Variants in ZFHX3 observed in about 807,000 individuals in gnomAD.
The protein encoded by ZFHX3 is zinc finger homeobox 3.
Under a neutral mutation model 279.1 loss-of-function variants are expected in ZFHX3, and 42 were observed. The ratio of observed to expected loss-of-function variants is 0.15; its 90% CI spans 0.12 to 0.19. The LOEUF (loss-of-function observed/expected upper bound fraction) is 0.19. Ranked by LOEUF, ZFHX3 falls within the 10% of genes least tolerant of loss-of-function variation. The pLI is 1.00. For missense variants in ZFHX3, 4,981 were observed against 4,754.0 expected (o/e 1.05, Z -1.40); for synonymous variants, 2,293 against 1,957.8 (o/e 1.17, Z -4.52).
intron 8 of ZFHX3, among the ~76,000 whole-genome samples, chr16:73,066,398 G>T (rs1254449664): frequency 6.6e-6 from 1 of 152,144 alleles, no homozygotes; most frequent in Non-Finnish European, 1.5e-5. Context: ...CGTCCCTAAT[G>T]CCCGGCACAC....
intron 1 of ZFHX3, among the ~76,000 whole-genome samples, chr16:73,704,404 A>T (rs2053284046): frequency 6.6e-6 from 1 of 152,206 alleles, no homozygotes. Flanking sequence ...AAAATGCAAG[A>T]TTAAAAAATA....
chr16:72,979,864 A>G lies in ZFHX3; in HGVS notation c.-49-19670T>C, dbSNP rs137939162. ...GTCAAATTTGGCTCTAAGCTTTCTA[A>G]AAGTCAAGAGGATAAAGGCATGCTA... On this transcript the variant is annotated intron_variant, in intron 1 of 9. Coordinates refer to ENST00000268489, the MANE Select transcript of ZFHX3 (RefSeq NM_006885.4). Among the ~76,000 whole-genome samples the G allele has an allele frequency of 5.3e-5, 8 of 152,346 alleles. No homozygotes were observed. The East Asian group carries it at 1.5e-3, about 29-fold the overall frequency.
chr16:73,524,493 C>T (rs905604168), intron 2 of ZFHX3, among the ~76,000 whole-genome samples: 4 of 152,150 alleles, frequency 2.6e-5, no homozygotes, highest in African/African-American at 4.8e-5. Context: ...GCCCTTCTGT[C>T]CCTACCACTT....
chr16:73,760,571 C>A (rs2053853500), intron 1 of ZFHX3, among the ~76,000 whole-genome samples: 1 of 152,040 alleles, frequency 6.6e-6, no homozygotes, highest in Admixed American at 6.6e-5. Flanking sequence ...TGTAAAAATC[C>A]TCAACAAAAT....
At chr16:73,703,154 T>C (rs76814503) in intron 1 of ZFHX3, among the ~76,000 whole-genome samples, 8,245 of 152,208 alleles carry the variant, frequency 0.054, 222 homozygotes, top group African/African-American at 0.056. Flanking sequence ...CAGAGGCTGC[T>C]TTCCTGCCTC....
At chr16:73,487,792 C>T (rs1233708141) in intron 2 of ZFHX3, 3 of 158,054 alleles carry the variant, frequency 1.9e-5, no homozygotes, top group East Asian at 1.9e-4. Flanking sequence ...AAATGTGATG[C>T]AAGCAGAAGT....
chr16:73,098,686 A>C (rs1031207611), intron 7 of ZFHX3: 1 of 147,708 alleles, frequency 6.8e-6, no homozygotes, highest in African/African-American at 2.5e-5. Flanking sequence ...TGACCATCAC[A>C]TTTTTTTTTT....
intron 4 of ZFHX3, among the ~76,000 whole-genome samples, chr16:72,840,872 A>C (rs868247719): frequency 5.3e-5 from 8 of 152,356 alleles, no homozygotes; most frequent in South Asian, 2.1e-4. Flanking sequence ...AAGCACAAAC[A>C]AAAGGCTTAC....
intron 1 of ZFHX3, among the ~76,000 whole-genome samples, chr16:73,721,823 T>C (rs2053476461): frequency 6.6e-6 from 1 of 152,154 alleles, no homozygotes; most frequent in African/African-American, 2.4e-5. Flanking sequence ...GACAGGCAGA[T>C]TGCTTGAGCC....
At chr16:72,891,866 G>A (rs1013921086) in intron 3 of ZFHX3, among the ~76,000 whole-genome samples, 32 of 152,170 alleles carry the variant, frequency 2.1e-4, no homozygotes, top group African/African-American at 6.8e-4. Flanking sequence ...AACTGCCCAC[G>A]TTGCTTGTCT....
intron 4 of ZFHX3, among the ~76,000 whole-genome samples, chr16:72,867,895 A>C (rs2038060591): frequency 6.6e-6 from 1 of 152,180 alleles, no homozygotes; most frequent in African/African-American, 2.4e-5. Flanking sequence ...TGGAGGCCAA[A>C]AATGGTGACA....
At chr16:73,860,517 C>T (rs1961854159) in intron 1 of ZFHX3, among the ~76,000 whole-genome samples, 1 of 151,986 alleles carries the variant, frequency 6.6e-6, no homozygotes, top group African/African-American at 2.4e-5. Context: ...CTTTGGTCTC[C>T]AACATGTGTT....
chr16:73,776,603 C>G (rs1356351359), intron 1 of ZFHX3, among the ~76,000 whole-genome samples: 2 of 152,114 alleles, frequency 1.3e-5, no homozygotes, highest in African/African-American at 4.8e-5. Flanking sequence ...GAGGGGAAAT[C>G]ATAATATTGC....
At chr16:73,102,486 T>C (rs1025834469) in intron 7 of ZFHX3, among the ~76,000 whole-genome samples, 2 of 152,232 alleles carry the variant, frequency 1.3e-5, no homozygotes, top group African/African-American at 4.8e-5. Flanking sequence ...TTGAAAAATA[T>C]TTGTTGAATT....
At chr16:73,508,271 G>A (rs2019362528) in intron 2 of ZFHX3, among the ~76,000 whole-genome samples, 1 of 152,174 alleles carries the variant, frequency 6.6e-6, no homozygotes, top group African/African-American at 2.4e-5. Flanking sequence ...TGGGGAAAAT[G>A]TTTAACTATG....
Position 73,304,096 on chromosome 16 carries a change from C to T in ZFHX3, c.-1194+14144G>A, listed in dbSNP as rs559064650. Among the ~76,000 whole-genome samples the T allele has an allele frequency of 2.0e-5, 3 of 152,228 alleles. No homozygotes were observed. In the South Asian group the frequency reaches 6.2e-4, roughly 32 times the overall value. On this transcript the variant is annotated intron_variant, in intron 4 of 17. Coordinates refer to the ZFHX3 transcript ENST00000641206. Reference sequence around the variant, plus strand: ...ATTCTGGAAGAGAGGAATTCAGTGCCCTTCTCTGGCAGCCTCCCACCAGTC... The same window carrying T: ...ATTCTGGAAGAGAGGAATTCAGTGCTCTTCTCTGGCAGCCTCCCACCAGTC...
intron 2 of ZFHX3, among the ~76,000 whole-genome samples, chr16:73,610,977 G>T (rs1372929010): frequency 2.6e-5 from 4 of 152,162 alleles, no homozygotes; most frequent in Non-Finnish European, 5.9e-5. Context: ...ATCTGATGGA[G>T]GCTTTGTCAG....
chr16:73,467,335 G>A (rs1231742334), intron 2 of ZFHX3, among the ~76,000 whole-genome samples: 1 of 152,192 alleles, frequency 6.6e-6, no homozygotes, highest in African/African-American at 2.4e-5. Flanking sequence ...TCAGGTGTTG[G>A]AATAGACAAG....
intron 2 of ZFHX3, among the ~76,000 whole-genome samples, chr16:73,495,718 C>T (rs1470904713): frequency 6.6e-6 from 1 of 152,170 alleles, no homozygotes; most frequent in Non-Finnish European, 1.5e-5. Flanking sequence ...GACCCAGAAA[C>T]AAATCTTAGG....
Sources: gnomAD v4.1 joint callset for allele counts (sites outside exome capture counted in the v4.1 genomes callset) on GRCh38, gnomAD v4.1.1 for gene constraint, MANE v1.5 for transcripts, NCBI Gene and HGNC (gene_info 2026-07-23, HGNC 2026-07-21) for gene names.